The following ZBTB20 variants were observed in gnomAD, a reference collection of about 807,000 sequenced individuals.
ZBTB20 encodes the protein zinc finger and BTB domain-containing protein 20.
Under a neutral mutation model 56.9 loss-of-function variants are expected in ZBTB20, and 9 were observed. The observed-to-expected ratio is 0.16, with a 90% CI of 0.10 to 0.28. The LOEUF is 0.28. Among genes scored for constraint, ZBTB20 ranks in the 10% least tolerant of loss-of-function variants. The pLI, the probability that ZBTB20 is intolerant of heterozygous loss-of-function variation, is 1.00. For missense variants in ZBTB20, 655 were observed against 1,003.0 expected, an observed-to-expected ratio of 0.65 and a Z score of 4.69; for synonymous variants, 417 against 420.7, an observed-to-expected ratio of 0.99 and a Z score of 0.11.
intron 4 of ZBTB20, among the ~76,000 whole-genome samples, chr3:114,824,735 G>A (rs552333579): frequency 6.6e-6 from 1 of 151,914 alleles, no homozygotes; most frequent in Admixed American, 6.6e-5. Context: ...GAAGCTCAGA[G>A]AGCTAAAGAG....
At position 114,337,156 on chromosome 3, in the gene ZBTB20, C is replaced by T. The variant is rs1481637343; in HGVS notation, c.*1849G>A. On this transcript the variant is annotated 3_prime_UTR_variant, in exon 12 of 12. Transcript: ENST00000675478. ...CCTTTCGAAGAAGCAAGGGTTAATT[C>T]GTCATCTAAAGAATGATCATCTTAT... 2 of 152,114 alleles carry T rather than the reference C, an allele frequency of 1.3e-5. No individual in the cohort carries two copies. The highest frequency in any genetic ancestry group is 6.5e-5 in the Admixed American group (1 of 15,276). The allele number at this position is 152,114 out of a possible 1,614,324, so 9.4% of individuals were successfully genotyped here. A position where few individuals can be genotyped will look rare whatever the true frequency, so the allele number is the denominator to read the frequency against.
Position 114,536,478 on chromosome 3 carries a change from G to A in ZBTB20, c.-294-36087C>T, listed in dbSNP as rs142466213. Among the ~76,000 whole-genome samples, 164 of 152,196 alleles carry A rather than the reference G, an allele frequency of 1.1e-3. 4 individuals are homozygous for A. The East Asian group carries it at 0.031, about 28-fold the overall frequency. ...AGAGAACTACAAACCACTGCTCAAG[G>A]AAATAAGAGAGGACACAAACAAATG... On this transcript the variant is annotated intron_variant, in intron 6 of 11. Coordinates refer to ENST00000675478, the MANE Select transcript of ZBTB20 (RefSeq NM_001348800.3).
intron 6 of ZBTB20, among the ~76,000 whole-genome samples, chr3:114,667,670 A>G (rs1367168025): frequency 6.6e-6 from 1 of 152,096 alleles, no homozygotes; most frequent in Non-Finnish European, 1.5e-5. Flanking sequence ...TGATGCTTAG[A>G]AAATTATAAA....
chr3:114,415,500 C>T (rs762875064), intron 7 of ZBTB20, among the ~76,000 whole-genome samples: 1 of 152,046 alleles, frequency 6.6e-6, no homozygotes, highest in African/African-American at 2.4e-5. Context: ...ATCTAAAGTT[C>T]TGATTTTGTG....
At chr3:114,787,366 T>TATATATATATATATATATATACAC (rs1278656494) in intron 5 of ZBTB20, among the ~76,000 whole-genome samples, 4 of 82,898 alleles carry the variant, frequency 4.8e-5, no homozygotes, top group African/African-American at 2.1e-4. Context: ...TATATATATA[T>TATATATATATATATATATATACAC]ATACACACAC....
chr3:115,089,901 C>T (rs536180989), intron 1 of ZBTB20, among the ~76,000 whole-genome samples: 1 of 151,834 alleles, frequency 6.6e-6, no homozygotes, highest in South Asian at 2.1e-4. Flanking sequence ...ACTCTGGCCT[C>T]CTACATAAAG....
In ZBTB20 at chr3:114,610,345, A is replaced by G. The variant is rs934709740; in HGVS notation, c.-295+83183T>C. Among the ~76,000 whole-genome samples the G allele has an allele frequency of 5.3e-4, 80 of 152,210 alleles. 3 individuals carry two copies. On this transcript the variant is annotated intron_variant, in intron 6 of 11. Transcript: ENST00000675478. ...TCACAAATGGGTGAAAAGAAGCATC[A>G]ATATGCAGGTCTTAACCCCAGTTTG...
intron 7 of ZBTB20, among the ~76,000 whole-genome samples, chr3:114,485,063 A>C (rs1439773227): frequency 6.6e-6 from 1 of 152,214 alleles, no homozygotes; most frequent in East Asian, 1.9e-4. Context: ...GCATACAGCC[A>C]GTCCTGACTC....
At chr3:114,840,851 T>C (rs76649638) in intron 4 of ZBTB20, among the ~76,000 whole-genome samples, 1 of 152,198 alleles carries the variant, frequency 6.6e-6, no homozygotes, top group African/African-American at 2.4e-5. Flanking sequence ...GAGGCTCTAG[T>C]GAGAGCTATT....
At chr3:114,974,443 A>G (rs2078015834) in intron 2 of ZBTB20, 27 bp from the exon 3 acceptor site, 2 of 152,298 alleles carry the variant, frequency 1.3e-5, no homozygotes, top group East Asian at 3.9e-4. Context: ...ACTTAAAATT[A>G]GAAATCTGCC....
intron 2 of ZBTB20, among the ~76,000 whole-genome samples, chr3:115,054,981 T>C (rs979593362): frequency 2.0e-5 from 3 of 152,120 alleles, no homozygotes; most frequent in South Asian, 2.1e-4. Context: ...TGAGTTCTTA[T>C]AGAAATCAAA....
In ZBTB20 at chr3:114,382,225, A is replaced by T. The variant is rs1223264252; in HGVS notation, c.-153-1285T>A. On this transcript the variant is annotated intron_variant, in intron 8 of 11. Transcript: ENST00000675478. Reference sequence around the variant, plus strand: ...TTTCTCACATCTGTGTTTCCATTCCAATTTCACTGCAATCACCTACTGCTT... The same window carrying T: ...TTTCTCACATCTGTGTTTCCATTCCTATTTCACTGCAATCACCTACTGCTT... Among the ~76,000 whole-genome samples the T allele has an allele frequency of 4.6e-5, 7 of 152,206 alleles. No homozygotes were observed. In the East Asian group the frequency reaches 1.3e-3, roughly 29 times the overall value.
chr3:115,130,377 CAGG>C (rs2084468848), intron 1 of ZBTB20, among the ~76,000 whole-genome samples: 1 of 152,152 alleles, frequency 6.6e-6, no homozygotes. Context: ...GTGACATCAA[CAGG>C]GATAATATTA....
At chr3:114,551,828 T>C (rs972970873) in intron 6 of ZBTB20, among the ~76,000 whole-genome samples, 10 of 152,232 alleles carry the variant, frequency 6.6e-5, no homozygotes, top group African/African-American at 1.9e-4. Flanking sequence ...CAGATGTGTT[T>C]GTAAACTTCT....
intron 5 of ZBTB20, among the ~76,000 whole-genome samples, chr3:114,788,504 G>A (rs2070716357): frequency 6.6e-6 from 1 of 152,086 alleles, no homozygotes; most frequent in Non-Finnish European, 1.5e-5. Flanking sequence ...TTTTTAAGGA[G>A]GAATAATATT....
Position 114,917,234 on chromosome 3 carries a change from T to A in ZBTB20, c.-455-16892A>T, listed in dbSNP as rs140937336. Among the ~76,000 whole-genome samples the A allele has an allele frequency of 6.6e-5, 10 of 152,322 alleles. No homozygotes were observed. The East Asian group carries it at 1.9e-3, about 29-fold the overall frequency. Reference sequence around the variant, plus strand: ...GTTTGATTCTTAAAAATTGTGTCAATCTATTTGTTAAATTTGTCTGATAGG... The same window carrying A: ...GTTTGATTCTTAAAAATTGTGTCAAACTATTTGTTAAATTTGTCTGATAGG... On this transcript the variant is annotated intron_variant, in intron 3 of 11. Coordinates refer to ENST00000675478, the MANE Select transcript of ZBTB20 (RefSeq NM_001348800.3).
intron 7 of ZBTB20, among the ~76,000 whole-genome samples, chr3:114,465,181 T>C (rs538848099): frequency 6.6e-6 from 1 of 152,298 alleles, no homozygotes; most frequent in African/African-American, 2.4e-5. Flanking sequence ...AAGTTTGTTC[T>C]AGATTAAGGA....
intron 3 of ZBTB20, among the ~76,000 whole-genome samples, chr3:114,937,591 T>A (rs2076584540): frequency 6.6e-6 from 1 of 151,866 alleles, no homozygotes; most frequent in Non-Finnish European, 1.5e-5. Flanking sequence ...CCTGTTAATT[T>A]TTTGTATTTT....
intron 6 of ZBTB20, among the ~76,000 whole-genome samples, chr3:114,643,363 A>C (rs1352016709): frequency 6.6e-6 from 1 of 152,058 alleles, no homozygotes; most frequent in South Asian, 2.1e-4. Flanking sequence ...AATGAGTTCT[A>C]ATAAGGAACA....
Sources: gnomAD v4.1 joint callset for allele counts (sites outside exome capture counted in the v4.1 genomes callset) on GRCh38, gnomAD v4.1.1 for gene constraint, MANE v1.5 for transcripts, NCBI Gene and HGNC (gene_info 2026-07-23, HGNC 2026-07-21) for gene names.